Variants in CNTNAP2 observed in about 807,000 individuals in gnomAD.
CNTNAP2 encodes the protein contactin-associated protein-like 2.
A neutral mutation model predicts 155.2 loss-of-function variants in CNTNAP2; 98 were observed. That is an observed-to-expected ratio of 0.63 (90% CI 0.54 to 0.75). The LOEUF (loss-of-function observed/expected upper bound fraction) is 0.75, where lower values mean the gene tolerates loss of function less well. Among genes scored for constraint, CNTNAP2 ranks in the 30% least tolerant of loss-of-function variants. CNTNAP2 has a pLI of 0.00. For synonymous variants in CNTNAP2, 651 were observed against 631.2 expected (o/e 1.03, Z -0.47); for missense variants, 1,727 against 1,688.1 (o/e 1.02, Z -0.40).
At chr7:146,974,825 C>G (rs953774688) in intron 3 of CNTNAP2, among the ~76,000 whole-genome samples, 2 of 151,900 alleles carry the variant, frequency 1.3e-5, no homozygotes, top group African/African-American at 4.8e-5. Context: ...ATGGTGAAAT[C>G]CCATCTCTAC....
At chr7:146,878,638 C>T (rs1263568351) in intron 3 of CNTNAP2, among the ~76,000 whole-genome samples, 1 of 152,088 alleles carries the variant, frequency 6.6e-6, no homozygotes, top group African/African-American at 2.4e-5. Context: ...CCAGGAGGCC[C>T]TTCATAAATT....
At chr7:146,860,980 C>T (rs1161482005) in intron 3 of CNTNAP2, among the ~76,000 whole-genome samples, 1 of 152,068 alleles carries the variant, frequency 6.6e-6, no homozygotes, top group Non-Finnish European at 1.5e-5. Context: ...AAATTATAGG[C>T]TAGAATTTTT....
rs149848757 is a variant in CNTNAP2, at chr7:146,893,455, G to A, written c.402+53551G>A. On this transcript the variant is annotated intron_variant, in intron 3 of 23. Coordinates refer to ENST00000361727, the MANE Select transcript of CNTNAP2 (RefSeq NM_014141.6). ...TATGTGTGTGTATGTATATATGTGT[G>A]TGTGTATATATATACATACATATAT... 3.4e-4 allele frequency among the ~76,000 whole-genome samples: 47 copies of A among 137,816 alleles called. No homozygotes were observed. The East Asian group carries it at 8.4e-3, about 25-fold the overall frequency. 90.4% of individuals were successfully genotyped at this position (137,816 alleles called of 152,430 possible). A position where few individuals can be genotyped will look rare whatever the true frequency, so the allele number is the denominator to read the frequency against.
chr7:147,952,376 A>C (rs1457598688), intron 14 of CNTNAP2, among the ~76,000 whole-genome samples: 1 of 151,384 alleles, frequency 6.6e-6, no homozygotes, highest in Non-Finnish European at 1.5e-5. Context: ...CAGGAGGCAG[A>C]GGTTGTAGTG....
At chr7:147,523,749 C>G (rs952623608) in intron 11 of CNTNAP2, among the ~76,000 whole-genome samples, 4 of 152,180 alleles carry the variant, frequency 2.6e-5, no homozygotes, top group African/African-American at 9.7e-5. Context: ...CAGCCAGGTT[C>G]CTGTCTTACT....
At chr7:146,346,701 G>A (rs534892492) in intron 1 of CNTNAP2, among the ~76,000 whole-genome samples, 7 of 151,690 alleles carry the variant, frequency 4.6e-5, no homozygotes, top group Admixed American at 1.3e-4. Context: ...AGCAAGACTC[G>A]GTCCAAAGGA....
intron 2 of CNTNAP2, among the ~76,000 whole-genome samples, chr7:146,810,395 C>A (rs973925778): frequency 6.7e-6 from 1 of 149,938 alleles, no homozygotes; most frequent in Non-Finnish European, 1.5e-5. Flanking sequence ...GTGTATGGAC[C>A]TTTCACCTCC....
intron 15 of CNTNAP2, among the ~76,000 whole-genome samples, chr7:148,090,605 G>A (rs1047239049): frequency 6.6e-6 from 1 of 152,126 alleles, no homozygotes; most frequent in Non-Finnish European, 1.5e-5. Flanking sequence ...GACAACAAGT[G>A]TTGGTGAGAA....
intron 10 of CNTNAP2, among the ~76,000 whole-genome samples, chr7:147,456,063 T>C (rs1483684904): frequency 6.6e-6 from 1 of 152,130 alleles, no homozygotes; most frequent in African/African-American, 2.4e-5. Context: ...CTTGTATGTA[T>C]GTATATGACT....
rs1563185623 is a variant in CNTNAP2 at position 148,062,007 on chromosome 7, A to AGAGAG, written c.2384-56111_2384-56110insGAGAG. ...GATAGATAGATAGATAGATAGATAGATGATAGAGAGAGAGAGAGAGAGTGT... is the reference window on the plus strand; with the variant it reads ...GATAGATAGATAGATAGATAGATAGAGAGAGTGATAGAGAGAGAGAGAGAGAGTGT... On this transcript the variant is annotated intron_variant, in intron 15 of 23. Transcript: ENST00000361727. 2.1e-3 allele frequency among the ~76,000 whole-genome samples: 166 copies of AGAGAG among 79,044 alleles called. 2 individuals are homozygous for AGAGAG. The highest frequency in any genetic ancestry group is 9.0e-3 in the African/African-American group (154 of 17,058). The allele number at this position is 79,044 out of a possible 152,430, so 51.9% of individuals were successfully genotyped here.
intron 13 of CNTNAP2, among the ~76,000 whole-genome samples, chr7:147,660,454 C>G (rs1264362634): frequency 6.6e-6 from 1 of 152,178 alleles, no homozygotes; most frequent in Admixed American, 6.5e-5. Flanking sequence ...TCCCTTGTCT[C>G]GCTTTAAATT....
intron 13 of CNTNAP2, among the ~76,000 whole-genome samples, chr7:147,657,103 T>C (rs1176427270): frequency 6.6e-6 from 1 of 152,234 alleles, no homozygotes; most frequent in East Asian, 1.9e-4. Flanking sequence ...TTCTATACTA[T>C]GTGGGGCAGA....
chr7:147,479,223 T>C (rs1190281945), intron 10 of CNTNAP2, among the ~76,000 whole-genome samples: 1 of 152,242 alleles, frequency 6.6e-6, no homozygotes, highest in Non-Finnish European at 1.5e-5. Flanking sequence ...GATTTGTTAT[T>C]CCATAAAACT....
chr7:148,181,431 T>C lies in CNTNAP2; in HGVS notation c.3010+8953T>C, dbSNP rs138713443. Among the ~76,000 whole-genome samples the C allele has an allele frequency of 2.0e-3, 298 of 152,232 alleles. 2 individuals carry two copies. The highest frequency in any genetic ancestry group is 6.8e-3 in the African/African-American group (281 of 41,556). On this transcript the variant is annotated intron_variant, in intron 18 of 23. Transcript: ENST00000361727. ...ATAAGTGGACAGAAGTCCACAAATA[T>C]GTATGGAAAAAGAAAATAATTTTGA... is the stretch of plus-strand genomic sequence containing the variant.
At chr7:146,745,361 A>G (rs1801791352) in intron 1 of CNTNAP2, among the ~76,000 whole-genome samples, 1 of 152,214 alleles carries the variant, frequency 6.6e-6, no homozygotes, top group Admixed American at 6.5e-5. Flanking sequence ...TTTATTGAAG[A>G]AAAGAAGTCT....
At chr7:147,427,110 C>T (rs1383282154) in intron 10 of CNTNAP2, among the ~76,000 whole-genome samples, 1 of 152,076 alleles carries the variant, frequency 6.6e-6, no homozygotes, top group Non-Finnish European at 1.5e-5. Context: ...ATTGCTACAT[C>T]CTTCAGAGGA....
At chr7:146,189,447 A>T (rs1198973094) in intron 1 of CNTNAP2, among the ~76,000 whole-genome samples, 1 of 152,176 alleles carries the variant, frequency 6.6e-6, no homozygotes, top group Non-Finnish European at 1.5e-5. Flanking sequence ...CAATATAGAC[A>T]TCTTAGTTTA....
At chr7:146,144,336 G>A (rs543019167) in intron 1 of CNTNAP2, among the ~76,000 whole-genome samples, 1 of 151,984 alleles carries the variant, frequency 6.6e-6, no homozygotes, top group East Asian at 2.0e-4. Flanking sequence ...ATTTTGGTTA[G>A]AGAGGGGCTT....
chr7:146,841,486 C>A (rs913673574), intron 3 of CNTNAP2, among the ~76,000 whole-genome samples: 1 of 152,044 alleles, frequency 6.6e-6, no homozygotes, highest in African/African-American at 2.4e-5. Flanking sequence ...ACCCAGAGCA[C>A]TCATTATTTT....
Sources: allele counts gnomAD v4.1 joint callset (sites outside exome capture counted in the v4.1 genomes callset), GRCh38; gene constraint gnomAD v4.1.1; transcripts MANE v1.5; gene names NCBI Gene and HGNC (gene_info 2026-07-23, HGNC 2026-07-21).